DIP2C: variants seen among roughly 807,000 people sequenced by gnomAD.
DIP2C encodes the protein disco-interacting protein 2 homolog C.
DIP2C carries 33 observed loss-of-function variants against 192.4 expected under a neutral mutation model. That is an observed-to-expected ratio of 0.17 (90% CI 0.13 to 0.23). DIP2C has a LOEUF of 0.23. Among genes scored for constraint, DIP2C ranks in the 10% least tolerant of loss-of-function variants. DIP2C has a pLI of 1.00. For synonymous variants in DIP2C, 979 were observed against 864.1 expected (o/e 1.13, Z -2.33); for missense variants, 1,537 against 2,110.1 (o/e 0.73, Z 5.32).
At chr10:607,563 C>A (rs78944721) in intron 1 of DIP2C, among the ~76,000 whole-genome samples, 5,008 of 152,266 alleles carry the variant, frequency 0.033, 158 homozygotes, top group African/African-American at 0.079. Flanking sequence ...TTCTGATAAA[C>A]CCAGCATAAG....
intron 3 of DIP2C, among the ~76,000 whole-genome samples, chr10:455,416 A>G (rs11252529): frequency 3.9e-5 from 4 of 103,628 alleles, no homozygotes; most frequent in East Asian, 2.6e-4. Flanking sequence ...AACACTCTGC[A>G]GTGAGTCCCT....
chr10:561,820 A>G (rs1218904735), intron 1 of DIP2C, among the ~76,000 whole-genome samples: 2 of 152,212 alleles, frequency 1.3e-5, no homozygotes, highest in African/African-American at 4.8e-5. Flanking sequence ...ATACTCATGA[A>G]ATTAATACAC....
At chr10:657,108 CCCGGACCTGCCGCTGGACCTGCCA>C (rs1294295205) in intron 1 of DIP2C, among the ~76,000 whole-genome samples, 5 of 150,044 alleles carry the variant, frequency 3.3e-5, no homozygotes, top group Non-Finnish European at 5.9e-5. Context: ...TGGACCTGCC[CCCGGACCTGCCGCTGGACCTGCCA>C]CTGGACCTGC....
At chr10:639,376 A>C in intron 1 of DIP2C, among the ~76,000 whole-genome samples, 1 of 142,066 alleles carries the variant, frequency 7.0e-6, no homozygotes, top group Non-Finnish European at 1.5e-5. Context: ...CACGGTCCAC[A>C]CATGGGGATG....
intron 1 of DIP2C, among the ~76,000 whole-genome samples, chr10:595,167 A>G (rs970830293): frequency 1.3e-5 from 2 of 152,200 alleles, no homozygotes; most frequent in Non-Finnish European, 2.9e-5. Context: ...ACGGAATCAA[A>G]CTGACCTTTT....
At chr10:678,771 G>A (rs1254586563) in intron 1 of DIP2C, among the ~76,000 whole-genome samples, 50 of 41,518 alleles carry the variant, frequency 1.2e-3, no homozygotes, top group African/African-American at 1.6e-3. Context: ...CATGCTCCCC[G>A]CACCTGTCCT....
At chr10:523,124 C>G (rs1246205310) in intron 1 of DIP2C, among the ~76,000 whole-genome samples, 30 of 139,198 alleles carry the variant, frequency 2.2e-4, no homozygotes, top group African/African-American at 2.7e-4. Context: ...GACTCTGTGT[C>G]ACCCACACAC....
chr10:575,686 C>T (rs1850106035), intron 1 of DIP2C, among the ~76,000 whole-genome samples: 1 of 152,200 alleles, frequency 6.6e-6, no homozygotes, highest in Non-Finnish European at 1.5e-5. Flanking sequence ...CTCAGCAGAA[C>T]TGTTCCTGGA....
chr10:431,136 A>C (rs901525173), intron 4 of DIP2C, among the ~76,000 whole-genome samples: 3 of 152,198 alleles, frequency 2.0e-5, no homozygotes, highest in Non-Finnish European at 2.9e-5. Flanking sequence ...TTGAAGTTGC[A>C]TAGTGTCAGT....
chr10:598,651 T>C (rs950292710), intron 1 of DIP2C, among the ~76,000 whole-genome samples: 1 of 151,820 alleles, frequency 6.6e-6, no homozygotes, highest in African/African-American at 2.4e-5. Context: ...AAGTCATTCA[T>C]TCCCCAAATA....
chr10:601,304 A>G (rs1313299163), intron 1 of DIP2C, among the ~76,000 whole-genome samples: 1 of 152,212 alleles, frequency 6.6e-6, no homozygotes, highest in Non-Finnish European at 1.5e-5. Flanking sequence ...AAGGTTTACA[A>G]CACTCAAAAT....
intron 3 of DIP2C, among the ~76,000 whole-genome samples, chr10:442,450 C>T (rs1325391371): frequency 6.6e-6 from 1 of 152,116 alleles, no homozygotes; most frequent in Non-Finnish European, 1.5e-5. Context: ...GGGCTCATGG[C>T]CAAAAACTGA....
intron 33 of DIP2C, among the ~76,000 whole-genome samples, chr10:287,078 T>C (rs540760981): frequency 1.3e-5 from 2 of 152,260 alleles, no homozygotes; most frequent in South Asian, 4.1e-4. Context: ...CATCTTTTAC[T>C]GTAATAGATG....
At chr10:284,787 G>A (rs560709373) in intron 34 of DIP2C, among the ~76,000 whole-genome samples, 9 of 152,240 alleles carry the variant, frequency 5.9e-5, no homozygotes, top group Admixed American at 1.3e-4. Context: ...AATAGAACTC[G>A]GTCGTGGTAA....
chr10:490,816 A>G (rs1712712719), intron 1 of DIP2C, among the ~76,000 whole-genome samples: 1 of 152,224 alleles, frequency 6.6e-6, no homozygotes. Context: ...AAATTTCAGA[A>G]GCAGAAATTA....
intron 32 of DIP2C, among the ~76,000 whole-genome samples, chr10:297,592 G>A (rs1422838049): frequency 3.9e-5 from 6 of 152,152 alleles, no homozygotes; most frequent in African/African-American, 1.2e-4. Flanking sequence ...AATACTACAC[G>A]TTCTCACTCA....
At chr10:575,636 C>T (rs1018390606) in intron 1 of DIP2C, among the ~76,000 whole-genome samples, 1 of 152,218 alleles carries the variant, frequency 6.6e-6, no homozygotes, top group Non-Finnish European at 1.5e-5. Flanking sequence ...GCCTTCCAGA[C>T]ATGACATCCA....
Position 486,665 on chromosome 10 carries a change from C to T in DIP2C, c.86-135G>A, listed in dbSNP as rs1844040675. 4.7e-6 allele frequency: 3 copies of T among 641,950 alleles called. No individual in the cohort carries two copies. In the South Asian group the frequency reaches 8.2e-5, roughly 18 times the overall value. 39.8% of individuals were successfully genotyped at this position (641,950 alleles called of 1,614,324 possible). A position where few individuals can be genotyped will look rare whatever the true frequency, so the allele number is the denominator to read the frequency against. ...GTTAGAATTTTAAAAGCAAGCACTG[C>T]ACATCAAACAACTTCAGTTCCTCCC... On this transcript the variant is annotated intron_variant, in intron 1 of 36. Coordinates refer to ENST00000280886, the MANE Select transcript of DIP2C (RefSeq NM_014974.3).
At position 473,851 on chromosome 10, in the gene DIP2C, CTG is replaced by C. The variant is rs1318560366; in HGVS notation, c.158-1304_158-1303del. ...TGGGCTCTTATGAGAGTTGTAGAGT[CTG>C]TGGACTTCATATTCCTTACTCTGGT... On this transcript the variant is annotated intron_variant, in intron 2 of 36. Transcript: ENST00000280886. 1.8e-4 allele frequency among the ~76,000 whole-genome samples: 28 copies of C among 152,188 alleles called. 1 individual carries two copies. The highest frequency in any genetic ancestry group is 6.5e-4 in the African/African-American group (27 of 41,454).
Sources: allele counts gnomAD v4.1 joint callset (sites outside exome capture counted in the v4.1 genomes callset), GRCh38; gene constraint gnomAD v4.1.1; transcripts MANE v1.5; gene names NCBI Gene and HGNC (gene_info 2026-07-23, HGNC 2026-07-21).